Variants in JAG2 observed in about 807,000 individuals in gnomAD.
JAG2 encodes the protein protein jagged-2.
A neutral mutation model predicts 141.7 loss-of-function variants in JAG2; 46 were observed. The observed-to-expected ratio is 0.32, with a 90% CI of 0.26 to 0.42. The LOEUF (loss-of-function observed/expected upper bound fraction) is 0.42, where lower values mean the gene tolerates loss of function less well. Among genes scored for constraint, JAG2 ranks in the 10% least tolerant of loss-of-function variants. The probability of loss-of-function intolerance (pLI) is 1.00; values close to 1 mark genes in which losing one functional copy is unlikely to be tolerated. For missense variants in JAG2, 1,500 were observed against 1,817.5 expected (o/e 0.83, Z 3.18); for synonymous variants, 862 against 763.5 (o/e 1.13, Z -2.13).
At chr14:105,161,114 C>T (rs1208188864) in intron 2 of JAG2, among the ~76,000 whole-genome samples, 9 of 119,926 alleles carry the variant, frequency 7.5e-5, no homozygotes, top group South Asian at 2.7e-4. Flanking sequence ...GTTGGGGGTC[C>T]GAGTGAGGTC....
Position 105,149,151 on chromosome 14 carries a change from C to T in JAG2, c.1753+19G>A. 1 of 1,608,986 alleles carries T rather than the reference C, an allele frequency of 6.2e-7. No individual in the cohort carries two copies. The highest frequency in any genetic ancestry group is 1.1e-5 in the South Asian group (1 of 90,942). On this transcript the variant is annotated intron_variant, in intron 13 of 25. Coordinates refer to ENST00000331782, the MANE Select transcript of JAG2 (RefSeq NM_002226.5). ...CCTGCCCCACCACCTCCCCCACCAC[C>T]CCATGCCGCACCCAGCACCTCTGCA...
intron 2 of JAG2, among the ~76,000 whole-genome samples, chr14:105,165,671 G>A (rs942297782): frequency 3.3e-5 from 5 of 152,112 alleles, no homozygotes; most frequent in African/African-American, 1.2e-4. Flanking sequence ...AGGTGGGAGA[G>A]TCACTCAGGG....
intron 2 of JAG2, among the ~76,000 whole-genome samples, chr14:105,163,967 C>T (rs753461230): frequency 2.6e-5 from 4 of 152,048 alleles, no homozygotes; most frequent in Admixed American, 6.5e-5. Context: ...CAGCTCAGGC[C>T]GAAGCCTGGC....
intron 2 of JAG2, among the ~76,000 whole-genome samples, chr14:105,163,605 G>A (rs1379078954): frequency 7.2e-6 from 1 of 139,656 alleles, no homozygotes. Flanking sequence ...TGGGGACAGG[G>A]CCTCCGCTCA....
intron 20 of JAG2, chr14:105,147,100 C>T: frequency 1.6e-6 from 1 of 622,014 alleles, no homozygotes; most frequent in Non-Finnish European, 2.9e-6. Context: ...TCCCTGGGCC[C>T]CGGACTGGTC....
intron 7 of JAG2, 85 bp downstream of exon 7, chr14:105,151,853 G>T: frequency 1.9e-6 from 3 of 1,608,248 alleles, no homozygotes; most frequent in Non-Finnish European, 1.7e-6. Flanking sequence ...CACCACACAG[G>T]ACGCCAGAGG....
intron 24 of JAG2, among the ~76,000 whole-genome samples, chr14:105,144,320 T>C (rs1888157477): frequency 6.6e-6 from 1 of 152,112 alleles, no homozygotes; most frequent in South Asian, 2.1e-4. Context: ...CTGCCCCTAC[T>C]GCCCTTCCAT....
In JAG2 at chr14:105,146,691, T is replaced by A; in HGVS notation, c.2513A>T (p.Tyr838Phe). 1 of 1,612,594 alleles carries A rather than the reference T, an allele frequency of 6.2e-7. No homozygotes were observed. The highest frequency in any genetic ancestry group is 8.5e-7 in the Non-Finnish European group (1 of 1,179,842). The change falls in exon 21 of 26, where the codon TAC becomes TTC. Residue 838 changes from tyrosine (Y) to phenylalanine (F), a missense_variant. Coordinates refer to ENST00000331782, the MANE Select transcript of JAG2 (RefSeq NM_002226.5). ...IDECQSSPCA[Y>F]GATCVDEING... ...GATCTCATCCACACACGTGGCCCCG[T>A]AGGCACAGGGCGAGGACTGGCACTC...
chr14:105,163,532 G>A (rs1350943030), intron 2 of JAG2, among the ~76,000 whole-genome samples: 1 of 152,114 alleles, frequency 6.6e-6, no homozygotes, highest in Non-Finnish European at 1.5e-5. Context: ...CCTGGGATGT[G>A]GGGATAGGAA....
intron 2 of JAG2, among the ~76,000 whole-genome samples, chr14:105,164,022 G>A (rs943216091): frequency 3.3e-5 from 5 of 152,044 alleles, no homozygotes; most frequent in Admixed American, 1.3e-4. Flanking sequence ...CCCTCATAAA[G>A]ACACCATGGA....
chr14:105,164,302 A>G (rs1330792357), intron 2 of JAG2, among the ~76,000 whole-genome samples: 3 of 151,982 alleles, frequency 2.0e-5, no homozygotes, highest in East Asian at 1.9e-4. Flanking sequence ...CAGACCCCCA[A>G]TGTACAAGGC....
chr14:105,142,638 G>T lies in JAG2; in HGVS notation c.*57C>A. On this transcript the variant is annotated 3_prime_UTR_variant, in exon 26 of 26. Coordinates refer to ENST00000331782, the MANE Select transcript of JAG2 (RefSeq NM_002226.5). ...CACATGGCCTCGGCCTCCGGGTCCG[G>T]CAGACGGCATGGCTCCCACCGAGGG... 7.3e-7 allele frequency: 1 copy of T among 1,373,210 alleles called. No homozygotes were observed. Among genetic ancestry groups the T allele is most frequent in the Non-Finnish European group, 1.0e-6 (1 of 995,650 alleles). The allele number at this position is 1,373,210 out of a possible 1,614,324, so 85.1% of individuals were successfully genotyped here.
In JAG2 at chr14:105,152,007, T is replaced by C; in HGVS notation, c.970A>G (p.Ile324Val). 6.2e-7 allele frequency: 1 copy of C among 1,613,408 alleles called. No homozygotes were observed. The change falls in exon 7 of 26, where the codon ATC (isoleucine) becomes GTC (valine). Residue 324 changes from isoleucine to valine, a missense_variant. By Grantham distance (29) the Ile-to-Val change is conservative (BLOSUM62 3). Transcript: ENST00000331782. The stretch of plus-strand genomic sequence containing the variant: ...CGGTACTGGTCAGGCTCGGCGTTGA[T>C]GCACGTGCCTCCGTTGGTGCAGGGG... ...HHPCTNGGTC[I>V]NAEPDQYRCT...
intron 23 of JAG2, among the ~76,000 whole-genome samples, chr14:105,145,360 T>C (rs888498039): frequency 2.0e-5 from 3 of 152,134 alleles, no homozygotes; most frequent in Non-Finnish European, 2.9e-5. Flanking sequence ...GAGCCCCTCC[T>C]GGGAGACAGG....
rs146384529 is a variant in JAG2 at position 105,146,623 on chromosome 14, G to T, written c.2581C>A (p.Arg861=). The stretch of plus-strand genomic sequence containing the variant: ...ACACGGGGCCTACCTTCCTGGCACC[G>T]GGGGCCGGCTCGGCCGGGTGGGCAG... The part of the protein sequence containing the change: ...CSCPPGRAGP[R]CQEVIGFGRS... Residue 861 remains arginine, a synonymous_variant, in exon 21 of 26, where the codon CGG becomes AGG. Coordinates refer to ENST00000331782, the MANE Select transcript of JAG2 (RefSeq NM_002226.5). 1.2e-6 allele frequency: 2 copies of T among 1,611,010 alleles called. No homozygotes were observed. The highest frequency in any genetic ancestry group is 1.7e-5 in the Admixed American group (1 of 60,010).
At chr14:105,165,325 C>T (rs1888876343) in intron 2 of JAG2, among the ~76,000 whole-genome samples, 1 of 152,262 alleles carries the variant, frequency 6.6e-6, no homozygotes, top group Non-Finnish European at 1.5e-5. Flanking sequence ...ACCTGCCATG[C>T]CTACAGAGCA....
Position 105,167,700 on chromosome 14 carries a change from G to C in JAG2, c.417+57C>G. On this transcript the variant is annotated intron_variant, in intron 2 of 25. Coordinates refer to ENST00000331782, the MANE Select transcript of JAG2 (RefSeq NM_002226.5). This position sits in a 1 kb window ranked among gnomAD's most constrained non-coding sequence, Gnocchi z 4.8. ...GTGTTGGGGGTCGCGAAGCGCGCGG[G>C]GCCGGGGCGCGGAGAGAGAGGGAAG... is the stretch of plus-strand genomic sequence containing the variant. 1.5e-6 allele frequency: 2 copies of C among 1,370,182 alleles called. No individual in the cohort carries two copies. The highest frequency in any genetic ancestry group is 1.9e-6 in the Non-Finnish European group (2 of 1,061,338). The allele number at this position is 1,370,182 out of a possible 1,614,324, so 84.9% of individuals were successfully genotyped here.
intron 5 of JAG2, 35 bp downstream of exon 5, chr14:105,155,527 T>C (rs1888552905): frequency 6.2e-7 from 1 of 1,611,112 alleles, no homozygotes; most frequent in Non-Finnish European, 8.5e-7. Flanking sequence ...AGGGCAAAGG[T>C]TGGGAGGGCA....
chr14:105,168,404 C>A lies in JAG2; in HGVS notation c.17G>T (p.Arg6Leu). 1.0e-6 allele frequency: 1 copy of A among 987,476 alleles called. No individual in the cohort carries two copies. Among genetic ancestry groups the A allele is most frequent in the Non-Finnish European group, 1.2e-6 (1 of 813,344 alleles). 61.2% of individuals were successfully genotyped at this position (987,476 alleles called of 1,614,324 possible). A position where few individuals can be genotyped will look rare whatever the true frequency, so the allele number is the denominator to read the frequency against. The change falls in exon 1 of 26, where the codon CGG (arginine) becomes CTG (leucine). Residue 6 changes from arginine to leucine, a missense_variant. This residue lies in a region of JAG2 where 200 missense variants were observed against 174.3 expected (regional missense o/e 1.15). Coordinates refer to ENST00000331782, the MANE Select transcript of JAG2 (RefSeq NM_002226.5). MRAQG[R>L]GRLPRRLLLL... The stretch of plus-strand genomic sequence containing the variant: ...CAGCAGCCGCCGGGGAAGGCGCCCC[C>A]GGCCCTGCGCCCGCATTGCCCCCGC...
Sources: allele counts gnomAD v4.1 joint callset (sites outside exome capture counted in the v4.1 genomes callset), GRCh38; gene constraint gnomAD v4.1.1; regional missense constraint gnomAD v4.1.1; non-coding constraint Gnocchi (gnomAD v3.1); transcripts MANE v1.5; gene names NCBI Gene and HGNC (gene_info 2026-07-23, HGNC 2026-07-21).